PDE4D: variants seen among roughly 807,000 people sequenced by gnomAD.
PDE4D encodes the protein phosphodiesterase 4D.
PDE4D carries 24 observed loss-of-function variants against 87.4 expected under a neutral mutation model. The observed-to-expected ratio is 0.27, with a 90% CI of 0.20 to 0.39. The LOEUF is 0.39. Ranked by LOEUF, PDE4D falls within the 10% of genes least tolerant of loss-of-function variation. The pLI, the probability that PDE4D is intolerant of heterozygous loss-of-function variation, is 1.00. For missense variants in PDE4D, 714 were observed against 1,041.0 expected (o/e 0.69, Z 4.32); for synonymous variants, 384 against 383.2 (o/e 1.00, Z -0.02).
chr5:60,192,061 A>T (rs1785239816), intron 1 of PDE4D, among the ~76,000 whole-genome samples: 2 of 152,166 alleles, frequency 1.3e-5, no homozygotes, highest in Non-Finnish European at 2.9e-5. Context: ...CCTTTGCCAT[A>T]GTATTAATAT....
At chr5:59,549,871 AAAT>A (rs1817832241) in intron 1 of PDE4D, among the ~76,000 whole-genome samples, 1 of 150,768 alleles carries the variant, frequency 6.6e-6, no homozygotes, top group African/African-American at 2.5e-5. Flanking sequence ...AAAGTTCAAT[AAAT>A]AATAACAATT....
intron 1 of PDE4D, among the ~76,000 whole-genome samples, chr5:59,420,492 T>G (rs1794301934): frequency 6.6e-6 from 1 of 152,114 alleles, no homozygotes. Context: ...TCTATCAGCC[T>G]TAGAATTCAA....
At chr5:60,177,362 T>G (rs546419344) in intron 2 of PDE4D, among the ~76,000 whole-genome samples, 1 of 152,238 alleles carries the variant, frequency 6.6e-6, no homozygotes, top group South Asian at 2.1e-4. Context: ...GCACAACCAT[T>G]CAAAATATTA....
At chr5:59,557,142 G>T (rs968432808) in intron 1 of PDE4D, among the ~76,000 whole-genome samples, 1 of 152,060 alleles carries the variant, frequency 6.6e-6, no homozygotes, top group African/African-American at 2.4e-5. Flanking sequence ...ATCTCTCAAG[G>T]TTCCCCAAGA....
intron 1 of PDE4D, among the ~76,000 whole-genome samples, chr5:59,311,205 T>C (rs1207484643): frequency 1.3e-5 from 2 of 152,042 alleles, no homozygotes; most frequent in Non-Finnish European, 2.9e-5. Flanking sequence ...TACTCACTAC[T>C]CTGATCCAAG....
At chr5:59,556,576 C>T (rs144300466) in intron 1 of PDE4D, among the ~76,000 whole-genome samples, 27 of 152,232 alleles carry the variant, frequency 1.8e-4, no homozygotes, top group African/African-American at 5.1e-4. Flanking sequence ...GGGTTCTGTA[C>T]GAGGAAAACT....
At chr5:59,450,661 C>T (rs1462071273) in intron 1 of PDE4D, among the ~76,000 whole-genome samples, 1 of 152,198 alleles carries the variant, frequency 6.6e-6, no homozygotes, top group African/African-American at 2.4e-5. Context: ...ACTTCCCACA[C>T]ACAGCAGATG....
Position 59,294,289 on chromosome 5 carries a change from G to C in PDE4D, c.456-78321C>G, listed in dbSNP as rs78375360. ...GCAGGGCCACTGCATCTCTGTGTGAGCTGTCCATTGCCCAACTCTAGGGAG... is the reference window on the plus strand; with the variant it reads ...GCAGGGCCACTGCATCTCTGTGTGACCTGTCCATTGCCCAACTCTAGGGAG... On this transcript the variant is annotated intron_variant, in intron 1 of 14. Coordinates refer to ENST00000340635, the MANE Select transcript of PDE4D (RefSeq NM_001104631.2). 7.2e-3 allele frequency among the ~76,000 whole-genome samples: 1,103 copies of C among 152,262 alleles called. 12 individuals carry two copies. The highest frequency in any genetic ancestry group is 0.013 in the Non-Finnish European group (898 of 68,020).
chr5:60,098,615 T>C (rs1453010476), intron 2 of PDE4D, among the ~76,000 whole-genome samples: 1 of 152,060 alleles, frequency 6.6e-6, no homozygotes, highest in South Asian at 2.1e-4. Context: ...CTGGATTTTG[T>C]ATGTTAATTT....
intron 2 of PDE4D, chr5:59,988,733 A>G: frequency 7.0e-7 from 1 of 1,432,198 alleles, no homozygotes. Flanking sequence ...GTAATAATTC[A>G]AGAAAGTACA....
At chr5:60,324,407 T>A (rs1392458079) in intron 1 of PDE4D, among the ~76,000 whole-genome samples, 1 of 152,228 alleles carries the variant, frequency 6.6e-6, no homozygotes, top group African/African-American at 2.4e-5. Context: ...GCCTAAAAGA[T>A]GACAGGTCTC....
intron 3 of PDE4D, among the ~76,000 whole-genome samples, chr5:59,973,449 A>G (rs1459649499): frequency 6.6e-6 from 1 of 152,188 alleles, no homozygotes; most frequent in East Asian, 1.9e-4. Flanking sequence ...TACTTATCAT[A>G]ATAATCATTT....
At chr5:59,229,629 G>T (rs934227599) in intron 1 of PDE4D, among the ~76,000 whole-genome samples, 1 of 152,114 alleles carries the variant, frequency 6.6e-6, no homozygotes, top group Admixed American at 6.5e-5. Context: ...GCAGCTGCTA[G>T]TACCACTTCT....
rs182353502 is a variant in PDE4D, at chr5:59,083,920, A to C, written c.809-44949T>G. Among the ~76,000 whole-genome samples the C allele has an allele frequency of 3.3e-3, 507 of 152,192 alleles. 2 individuals carry two copies. Among genetic ancestry groups the C allele is most frequent in the Non-Finnish European group, 3.9e-3 (264 of 67,978 alleles). On this transcript the variant is annotated intron_variant, in intron 5 of 14. Coordinates refer to ENST00000340635, the MANE Select transcript of PDE4D (RefSeq NM_001104631.2). ...AGTAGTTGGCAGGGATATCATAAGG[A>C]GCTCTGTAGTACTTATAAACTGCTT...
chr5:60,178,426 C>T (rs193145057), intron 2 of PDE4D, among the ~76,000 whole-genome samples: 61 of 152,186 alleles, frequency 4.0e-4, no homozygotes, highest in African/African-American at 1.4e-3. Flanking sequence ...CCTGCATGAG[C>T]ACTTGCAAAG....
At chr5:59,884,261 T>C (rs1749855472) in intron 1 of PDE4D, among the ~76,000 whole-genome samples, 1 of 151,866 alleles carries the variant, frequency 6.6e-6, no homozygotes, top group South Asian at 2.1e-4. Flanking sequence ...ACTCTACATA[T>C]ATATGTATAT....
intron 3 of PDE4D, among the ~76,000 whole-genome samples, chr5:59,189,253 G>GTTTTTTTTT (rs5868167): frequency 1.7e-4 from 20 of 120,838 alleles, no homozygotes; most frequent in African/African-American, 4.2e-4. Flanking sequence ...TGTTTTTTTT[G>GTTTTTTTTT]TTTTTTTTTT....
rs151052342 is a variant in PDE4D, at chr5:60,245,563, T to C, written c.-89-59876A>G. 4.4e-3 allele frequency among the ~76,000 whole-genome samples: 676 copies of C among 151,922 alleles called. 5 individuals carry two copies. The highest frequency in any genetic ancestry group is 0.016 in the African/African-American group (651 of 41,496). On this transcript the variant is annotated intron_variant, in intron 1 of 16. Coordinates refer to the PDE4D transcript ENST00000502484. Reference sequence around the variant, plus strand: ...CAGATTAATGGATAAAGAAAACGGGTTACATATACAAAATGGAGTATTATT... The same window carrying C: ...CAGATTAATGGATAAAGAAAACGGGCTACATATACAAAATGGAGTATTATT...
chr5:59,960,068 AT>A, intron 3 of PDE4D, among the ~76,000 whole-genome samples: 1 of 152,348 alleles, frequency 6.6e-6, no homozygotes, highest in African/African-American at 2.4e-5. Context: ...AAAAGAAGAC[AT>A]ACAAGCAACC....
Sources: allele counts gnomAD v4.1 joint callset (sites outside exome capture counted in the v4.1 genomes callset), GRCh38; gene constraint gnomAD v4.1.1; transcripts MANE v1.5; gene names NCBI Gene and HGNC (gene_info 2026-07-23, HGNC 2026-07-21).